The following ALPK2 variants were observed in gnomAD, a reference collection of about 807,000 sequenced individuals.
ALPK2 encodes the protein alpha kinase 2, also known as alpha-protein kinase 2.
In ALPK2, 127 loss-of-function variants were observed where a neutral mutation model predicts 163.1. That is an observed-to-expected ratio of 0.78 (90% CI 0.67 to 0.90). The LOEUF (loss-of-function observed/expected upper bound fraction) is 0.90. ALPK2 is among the 40% of genes least tolerant of loss of function. The pLI is 0.00. For synonymous variants in ALPK2, 953 were observed against 959.1 expected, an observed-to-expected ratio of 0.99 and a Z score of 0.12; for missense variants, 2,360 against 2,589.6, an observed-to-expected ratio of 0.91 and a Z score of 1.92.
intron 8 of ALPK2, among the ~76,000 whole-genome samples, chr18:58,518,331 G>A (rs552017165): frequency 3.6e-4 from 55 of 152,206 alleles, no homozygotes; most frequent in African/African-American, 9.6e-4. Context: ...TTAAGGTCTC[G>A]GCCTAATTAC....
At chr18:58,608,869 C>T (rs2052112371) in intron 2 of ALPK2, among the ~76,000 whole-genome samples, 1 of 151,534 alleles carries the variant, frequency 6.6e-6, no homozygotes, top group African/African-American at 2.4e-5. Flanking sequence ...GGAGTATGAT[C>T]TGAGCCTATG....
At chr18:58,620,184 G>T (rs2052190997) in intron 1 of ALPK2, among the ~76,000 whole-genome samples, 1 of 152,168 alleles carries the variant, frequency 6.6e-6, no homozygotes, top group African/African-American at 2.4e-5. Context: ...TCAGCTACTT[G>T]GGAGGCCGAG....
chr18:58,602,721 CAGGAGGTT>C (rs2052077554), intron 3 of ALPK2, among the ~76,000 whole-genome samples: 1 of 152,142 alleles, frequency 6.6e-6, no homozygotes, highest in Non-Finnish European at 1.5e-5. Flanking sequence ...GCTGCATTCC[CAGGAGGTT>C]AGGCATTCTT....
Position 58,536,193 on chromosome 18 carries a change from C to T in ALPK2, c.3994G>A (p.Gly1332Ser). Reference sequence around the variant, plus strand: ...TCCAGGAGTCTGGGTTGGCTGAAACCCCGGGAAGAAAGACTTCTCCAATGT... The same window carrying T: ...TCCAGGAGTCTGGGTTGGCTGAAACTCCGGGAAGAAAGACTTCTCCAATGT... ...SVHWRSLSSR[G>S]FSQPRLLESS... Residue 1332 changes from glycine to serine, a missense_variant, in exon 5 of 13, where the codon GGT becomes AGT. Transcript: ENST00000361673. 6.2e-7 allele frequency: 1 copy of T among 1,614,124 alleles called. No homozygotes were observed. The highest frequency in any genetic ancestry group is 8.5e-7 in the Non-Finnish European group (1 of 1,180,010).
At chr18:58,592,765 A>G (rs1215359199) in intron 3 of ALPK2, among the ~76,000 whole-genome samples, 2 of 152,244 alleles carry the variant, frequency 1.3e-5, no homozygotes, top group African/African-American at 4.8e-5. Flanking sequence ...TGGTTAAGGG[A>G]CAGACTTAGC....
chr18:58,580,254 G>A lies in ALPK2; in HGVS notation c.522C>T (p.Leu174=). 1 of 1,614,232 alleles carries A rather than the reference G, an allele frequency of 6.2e-7. No homozygotes were observed. The highest frequency in any genetic ancestry group is 1.1e-5 in the South Asian group (1 of 91,088). ...TAATGTCAAGATTGCCCAATGACTGGAGGGAGAGTGAATGGTTGGATTTGG... is the reference window on the plus strand; with the variant it reads ...TAATGTCAAGATTGCCCAATGACTGAAGGGAGAGTGAATGGTTGGATTTGG... The part of the protein sequence containing the change: ...SPSKSNHSLS[L]QSLGNLDISV... The change falls in exon 4 of 13, where the codon CTC becomes CTT. Residue 174 remains leucine (L), a synonymous_variant. Transcript: ENST00000361673.
chr18:58,502,183 G>GA lies in ALPK2; in HGVS notation c.6247+1747dup, dbSNP rs11446192. Among the ~76,000 whole-genome samples, 332 of 80,544 alleles carry GA rather than the reference G, an allele frequency of 4.1e-3. 3 individuals are homozygous for GA. The highest frequency in any genetic ancestry group is 0.017 in the Middle Eastern group (3 of 176). The allele number at this position is 80,544 out of a possible 152,430, so 52.8% of individuals were successfully genotyped here. A position where few individuals can be genotyped will look rare whatever the true frequency, so the allele number is the denominator to read the frequency against. On this transcript the variant is annotated intron_variant, in intron 11 of 12. Coordinates refer to ENST00000361673, the MANE Select transcript of ALPK2 (RefSeq NM_052947.4). The stretch of plus-strand genomic sequence containing the variant: ...ACACACACACACACACACACACAAA[G>GA]AAAAAAAAAAGGAAAGAAAAAATTA...
rs754907612 is a variant in ALPK2, at chr18:58,535,962, T to C, written c.4225A>G (p.Ile1409Val). The stretch of plus-strand genomic sequence containing the variant: ...GCCCTGGTGTACTCTATCACACTTA[T>C]CTCATCAATGGGATCTACAGAGGAC... Reference protein sequence around the residue: ...LESSVDPIDEISVIEYTRAGK... With the variant: ...LESSVDPIDEVSVIEYTRAGK... Residue 1409 changes from isoleucine (I) to valine (V), a missense_variant, in exon 5 of 13, where the codon ATA becomes GTA. Physicochemically the swap from Ile to Val is conservative, Grantham distance 29 (BLOSUM62 3). Coordinates refer to ENST00000361673, the MANE Select transcript of ALPK2 (RefSeq NM_052947.4). The C allele has an allele frequency of 2.7e-5, 43 of 1,614,102 alleles. No homozygotes were observed. The Middle Eastern group carries it at 2.6e-3, about 99-fold the overall frequency.
At chr18:58,523,193 T>C (rs918084022) in intron 8 of ALPK2, among the ~76,000 whole-genome samples, 4 of 151,390 alleles carry the variant, frequency 2.6e-5, no homozygotes, top group Non-Finnish European at 5.9e-5. Context: ...GATAGTTTAC[T>C]GAGAATGATG....
Position 58,514,997 on chromosome 18 carries a change from G to A in ALPK2, c.6025C>T (p.Pro2009Ser). Residue 2009 changes from proline to serine, a missense_variant, in exon 10 of 13, where the codon CCT (proline) becomes TCT (serine). By Grantham distance (74) the Pro-to-Ser change is moderately conservative. Transcript: ENST00000361673. Reference sequence around the variant, plus strand: ...AGGCAGGGTAAACACACTTACTCAGGTACTTCTCCAAAGCCTTCCAGAGGC... The same window carrying A: ...AGGCAGGGTAAACACACTTACTCAGATACTTCTCCAAAGCCTTCCAGAGGC... ...AQPLEGFGEV[P>S]EIIPIFLIHR... 1 of 1,611,538 alleles carries A rather than the reference G, an allele frequency of 6.2e-7. No homozygotes were observed. Among genetic ancestry groups the A allele is most frequent in the East Asian group, 2.2e-5 (1 of 44,740 alleles).
intron 4 of ALPK2, among the ~76,000 whole-genome samples, chr18:58,561,290 T>C (rs1050469158): frequency 2.6e-5 from 4 of 152,086 alleles, no homozygotes; most frequent in Non-Finnish European, 5.9e-5. Context: ...AAGGGCTGGA[T>C]GGTTATGCGA....
chr18:58,502,164 ACACACACACACACAC>A (rs1602188615), intron 11 of ALPK2, among the ~76,000 whole-genome samples: 7 of 145,236 alleles, frequency 4.8e-5, no homozygotes, highest in East Asian at 2.4e-4. Flanking sequence ...ACACACACAC[ACACACACACACACAC>A]AAAGAAAAAA....
At chr18:58,521,655 G>A (rs2051554133) in intron 8 of ALPK2, among the ~76,000 whole-genome samples, 2 of 35,422 alleles carry the variant, frequency 5.6e-5, no homozygotes, top group Non-Finnish European at 1.5e-4. Context: ...TTGAGATGGA[G>A]TCTTGCTGTG....
intron 5 of ALPK2, 115 bp downstream of exon 5, chr18:58,534,719 A>G (rs1037986975): frequency 1.1e-5 from 15 of 1,373,944 alleles, no homozygotes; most frequent in East Asian, 9.2e-5. Flanking sequence ...CATAGCATCA[A>G]TGCCCACCTG....
rs181724027 is a variant in ALPK2, at chr18:58,615,910, T to C, written c.-20-4093A>G. ...ACAAACACACACTATTTGACTCACATAGTCAGTTTAGTGACCACATATCTG... is the reference window on the plus strand; with the variant it reads ...ACAAACACACACTATTTGACTCACACAGTCAGTTTAGTGACCACATATCTG... On this transcript the variant is annotated intron_variant, in intron 1 of 12. Transcript: ENST00000361673. Among the ~76,000 whole-genome samples, 12 of 152,350 alleles carry C rather than the reference T, an allele frequency of 7.9e-5. No homozygotes were observed. The East Asian group carries it at 1.5e-3, about 20-fold the overall frequency.
chr18:58,495,145 C>T (rs1339332431), intron 12 of ALPK2, among the ~76,000 whole-genome samples: 2 of 152,164 alleles, frequency 1.3e-5, no homozygotes, highest in African/African-American at 4.8e-5. Context: ...AAAGAGGTCT[C>T]TCAACCACCT....
intron 3 of ALPK2, among the ~76,000 whole-genome samples, chr18:58,586,580 C>A (rs746913860): frequency 9.2e-5 from 14 of 152,122 alleles, no homozygotes; most frequent in Non-Finnish European, 1.5e-4. Context: ...AGCCTGGCAG[C>A]AGCTGGAGGG....
chr18:58,546,697 T>C (rs4366793), intron 4 of ALPK2, among the ~76,000 whole-genome samples: 151,015 of 152,262 alleles, frequency 0.99, 74,907 homozygotes, highest in South Asian at 1. Context: ...GACCATGTAA[T>C]GGCAAACTCA....
intron 4 of ALPK2, among the ~76,000 whole-genome samples, chr18:58,550,537 TCCCA>T (rs2051751218): frequency 5.8e-5 from 1 of 17,338 alleles, no homozygotes. Context: ...TCACCTACAA[TCCCA>T]TCCCCATCTC....
Sources: allele counts gnomAD v4.1 joint callset (sites outside exome capture counted in the v4.1 genomes callset), GRCh38; gene constraint gnomAD v4.1.1; transcripts MANE v1.5; gene names NCBI Gene and HGNC (gene_info 2026-07-23, HGNC 2026-07-21).